FAR2: variants seen among roughly 807,000 people sequenced by gnomAD.
FAR2 encodes fatty acyl-CoA reductase 2.
Under a neutral mutation model 56.0 loss-of-function variants are expected in FAR2, and 19 were observed. The ratio of observed to expected loss-of-function variants is 0.34; its 90% CI spans 0.24 to 0.50. The LOEUF (loss-of-function observed/expected upper bound fraction) is 0.50, where lower values mean the gene tolerates loss of function less well. FAR2 is among the 20% of genes least tolerant of loss of function. The probability of loss-of-function intolerance (pLI) is 0.98; values close to 1 mark genes in which losing one functional copy is unlikely to be tolerated. For missense variants in FAR2, 508 were observed against 642.2 expected (o/e 0.79, Z 2.26); for synonymous variants, 219 against 218.8 (o/e 1.00, Z -0.01).
At chr12:29,253,621 A>G (rs904730985) in intron 1 of FAR2, among the ~76,000 whole-genome samples, 1 of 152,170 alleles carries the variant, frequency 6.6e-6, no homozygotes, top group Admixed American at 6.5e-5. Flanking sequence ...ATTGGGTTTT[A>G]ATAGATCAAC....
At chr12:29,244,561 G>A (rs540087211) in intron 1 of FAR2, among the ~76,000 whole-genome samples, 8 of 152,302 alleles carry the variant, frequency 5.3e-5, no homozygotes, top group Non-Finnish European at 8.8e-5. Flanking sequence ...GCCATTACTA[G>A]TGTGCACTTC....
intron 1 of FAR2, among the ~76,000 whole-genome samples, chr12:29,224,517 T>C (rs1947735283): frequency 6.6e-6 from 1 of 152,342 alleles, no homozygotes; most frequent in East Asian, 1.9e-4. Flanking sequence ...TTAATTTTTG[T>C]ACTTACAGCA....
chr12:29,307,916 C>T, intron 5 of FAR2, 81 bp downstream of exon 5: 1 of 1,397,884 alleles, frequency 7.2e-7, no homozygotes, highest in Non-Finnish European at 9.7e-7. Flanking sequence ...TGTCTTTCTT[C>T]TTCTCCTCCT....
chr12:29,188,102 T>G (rs770503064), intron 1 of FAR2, among the ~76,000 whole-genome samples: 3 of 152,074 alleles, frequency 2.0e-5, no homozygotes, highest in Admixed American at 1.3e-4. Flanking sequence ...GACTTTAAAT[T>G]CAAAAAAGAC....
At chr12:29,197,860 T>A (rs1950155653) in intron 1 of FAR2, among the ~76,000 whole-genome samples, 1 of 152,120 alleles carries the variant, frequency 6.6e-6, no homozygotes, top group Non-Finnish European at 1.5e-5. Flanking sequence ...CCTCAGATAT[T>A]TGAACTCAAG....
chr12:29,305,262 T>C (rs1210657463), intron 4 of FAR2, among the ~76,000 whole-genome samples: 1 of 152,026 alleles, frequency 6.6e-6, no homozygotes, highest in Admixed American at 6.6e-5. Context: ...GCCTCCTGAG[T>C]AGCTGGAACT....
chr12:29,194,173 G>A lies in FAR2; in HGVS notation c.-39+44766G>A, dbSNP rs541195233. Among the ~76,000 whole-genome samples, 15 of 152,196 alleles carry A rather than the reference G, an allele frequency of 9.9e-5. No homozygotes were observed. In the East Asian group the frequency reaches 2.7e-3, roughly 27 times the overall value. ...TATTATTTCCTAGAGGAATAAAACT[G>A]TGTTTCCTTTATAGTTAATAGAAAC... On this transcript the variant is annotated intron_variant, in intron 1 of 11. Transcript: ENST00000536681.
intron 1 of FAR2, among the ~76,000 whole-genome samples, chr12:29,257,178 A>G (rs1261456311): frequency 6.6e-6 from 1 of 150,530 alleles, no homozygotes; most frequent in Non-Finnish European, 1.5e-5. Flanking sequence ...GGCACTCTGT[A>G]TCTAGCTCAA....
rs142620178 is a variant in FAR2 at position 29,229,073 on chromosome 12, T to A, written c.-38-41339T>A. On this transcript the variant is annotated intron_variant, in intron 1 of 11. Transcript: ENST00000536681. ...AAAAGCATTTTAATGCAAGAAAGAG[T>A]GTATTCTAAAGCCTGTCTTCCCCGC... is the stretch of plus-strand genomic sequence containing the variant. Among the ~76,000 whole-genome samples the A allele has an allele frequency of 9.2e-5, 14 of 152,238 alleles. No individual in the cohort carries two copies. In the East Asian group the frequency reaches 2.7e-3, roughly 29 times the overall value.
chr12:29,168,686 C>G (rs1380182418), intron 1 of FAR2, among the ~76,000 whole-genome samples: 8 of 152,058 alleles, frequency 5.3e-5, no homozygotes, highest in Non-Finnish European at 1.0e-4. Flanking sequence ...TTTGTGGTCT[C>G]GCTGACTTCA....
intron 3 of FAR2, among the ~76,000 whole-genome samples, chr12:29,295,756 ATT>A (rs61390530): frequency 1.8e-3 from 162 of 88,380 alleles, no homozygotes; most frequent in Admixed American, 4.1e-3. Context: ...TTTTTACGTA[ATT>A]TTTTTTTTTT....
rs534741834 is a variant in FAR2, at chr12:29,321,868, T to C, written c.1201T>C (p.Trp401Arg). The C allele has an allele frequency of 3.7e-6, 6 of 1,613,906 alleles. No homozygotes were observed. Among genetic ancestry groups the C allele is most frequent in the African/African-American group, 1.3e-5 (1 of 75,024 alleles). Residue 401 changes from tryptophan to arginine, a missense_variant, in exon 10 of 12, where the codon TGG (tryptophan) becomes CGG (arginine). Transcript: ENST00000536681. ...GTATTTCATCAACCGGAGTTGGGAA[T>C]GGAGCACGTACAATACAGAAATGCT... is the stretch of plus-strand genomic sequence containing the variant. ...LEYFINRSWE[W>R]STYNTEMLMS...
intron 1 of FAR2, among the ~76,000 whole-genome samples, chr12:29,229,225 T>C (rs913036126): frequency 5.3e-5 from 8 of 152,190 alleles, no homozygotes; most frequent in African/African-American, 1.9e-4. Context: ...GGTATGAGGC[T>C]CCTGAAAGTT....
intron 1 of FAR2, among the ~76,000 whole-genome samples, chr12:29,182,195 A>T (rs73073790): frequency 0.043 from 6,598 of 152,300 alleles, 214 homozygotes; most frequent in East Asian, 0.1. Flanking sequence ...GGTGGTGTAG[A>T]CCCAAAGAGT....
At chr12:29,283,927 C>T (rs1193960986) in intron 2 of FAR2, among the ~76,000 whole-genome samples, 1 of 152,176 alleles carries the variant, frequency 6.6e-6, no homozygotes, top group African/African-American at 2.4e-5. Flanking sequence ...GGCTTTTCCC[C>T]ACTATACCAG....
chr12:29,317,054 G>A, intron 9 of FAR2, 42 bp downstream of exon 9: 1 of 1,561,958 alleles, frequency 6.4e-7, no homozygotes, highest in Non-Finnish European at 8.7e-7. Context: ...TCACTGCATG[G>A]GAGATTAAGG....
intron 1 of FAR2, among the ~76,000 whole-genome samples, chr12:29,232,934 C>A (rs974620293): frequency 6.6e-6 from 1 of 152,016 alleles, no homozygotes; most frequent in Non-Finnish European, 1.5e-5. Flanking sequence ...ACTCTGGAAT[C>A]TTGAATTTCA....
intron 1 of FAR2, among the ~76,000 whole-genome samples, chr12:29,185,666 C>T (rs768851414): frequency 1.3e-5 from 2 of 152,192 alleles, no homozygotes; most frequent in Non-Finnish European, 2.9e-5. Flanking sequence ...AGAATCTTTG[C>T]TATCTCCTAG....
chr12:29,285,543 G>GAGGAAGGGAAGA (rs1391984823), intron 2 of FAR2, among the ~76,000 whole-genome samples: 2 of 151,892 alleles, frequency 1.3e-5, no homozygotes, highest in Non-Finnish European at 2.9e-5. Context: ...GGAAGGAAGG[G>GAGGAAGGGAAGA]AGGAAGGGAA....
Sources: allele counts gnomAD v4.1 joint callset (sites outside exome capture counted in the v4.1 genomes callset), GRCh38; gene constraint gnomAD v4.1.1; transcripts MANE v1.5; gene names NCBI Gene and HGNC (gene_info 2026-07-23, HGNC 2026-07-21).